GDA: variants seen among roughly 807,000 people sequenced by gnomAD.
GDA encodes guanine deaminase.
In GDA, 18 loss-of-function variants were observed where a neutral mutation model predicts 59.6. That is an observed-to-expected ratio of 0.30 (90% CI 0.21 to 0.45). GDA has a LOEUF of 0.45. GDA is among the 20% of genes least tolerant of loss of function. GDA has a pLI of 1.00. For missense variants in GDA, 427 were observed against 552.3 expected (o/e 0.77, Z 2.27); for synonymous variants, 201 against 201.1 (o/e 1.00, Z 0.00).
upstream of GDA, among the ~76,000 whole-genome samples, chr9:72,146,639 C>T (rs921397906): frequency 7.9e-5 from 12 of 152,086 alleles, no homozygotes; most frequent in East Asian, 1.9e-4. Flanking sequence ...TACAGGTGTG[C>T]GCCACCACAC....
chr9:72,244,645 A>G (rs1366673030), intron 11 of GDA, among the ~76,000 whole-genome samples: 4 of 152,220 alleles, frequency 2.6e-5, no homozygotes, highest in African/African-American at 9.6e-5. Context: ...GCATTGACAA[A>G]TATGCAAAAG....
chr9:72,170,733 G>C (rs1017467193), intron 1 of GDA, among the ~76,000 whole-genome samples: 1 of 152,146 alleles, frequency 6.6e-6, no homozygotes, highest in African/African-American at 2.4e-5. Context: ...CTGTGTACCG[G>C]CCCATGATAG....
chr9:72,168,024 G>A (rs1174026589), intron 1 of GDA, among the ~76,000 whole-genome samples: 2 of 152,138 alleles, frequency 1.3e-5, no homozygotes, highest in East Asian at 1.9e-4. Flanking sequence ...TAGTGCTGGG[G>A]TACATCACCT....
intron 4 of GDA, 49 bp downstream of exon 4, chr9:72,210,823 G>A: frequency 8.8e-7 from 1 of 1,133,846 alleles, no homozygotes; most frequent in Non-Finnish European, 1.3e-6. Flanking sequence ...AAGACAGCCA[G>A]ACCATCGTGG....
intron 3 of GDA, among the ~76,000 whole-genome samples, chr9:72,203,826 T>C (rs1049652624): frequency 6.6e-6 from 1 of 151,778 alleles, no homozygotes; most frequent in African/African-American, 2.4e-5. Flanking sequence ...TTTTTTCTTC[T>C]TTTTTTTGGA....
chr9:72,202,783 T>C (rs372372452), intron 3 of GDA, 41 bp downstream of exon 3: 1 of 1,437,054 alleles, frequency 7.0e-7, no homozygotes, highest in South Asian at 1.2e-5. Context: ...TGTTTGGTCA[T>C]CTATAGAAAT....
chr9:72,150,612 G>T (rs1232963706), intron 1 of GDA, among the ~76,000 whole-genome samples: 3 of 152,044 alleles, frequency 2.0e-5, no homozygotes, highest in Non-Finnish European at 2.9e-5. Flanking sequence ...GGGATTTTTT[G>T]AGCTGTTTTC....
At chr9:72,244,555 G>A (rs758466274) in intron 11 of GDA, among the ~76,000 whole-genome samples, 1 of 152,168 alleles carries the variant, frequency 6.6e-6, no homozygotes, top group African/African-American at 2.4e-5. Context: ...TTTGAGTTAT[G>A]AGAATCTGTT....
At chr9:72,218,478 A>C (rs1484682046) in intron 5 of GDA, among the ~76,000 whole-genome samples, 1 of 152,226 alleles carries the variant, frequency 6.6e-6, no homozygotes, top group African/African-American at 2.4e-5. Flanking sequence ...TTGTGGTGAT[A>C]GTAAACCTTA....
chr9:72,175,496 C>T (rs1830443743), intron 1 of GDA, among the ~76,000 whole-genome samples: 1 of 152,166 alleles, frequency 6.6e-6, no homozygotes, highest in Non-Finnish European at 1.5e-5. Flanking sequence ...TTGAGAAACA[C>T]AAATGAGATG....
chr9:72,202,828 ATAAGCAGT>A, intron 3 of GDA, 86 bp downstream of exon 3: 1 of 1,088,782 alleles, frequency 9.2e-7, no homozygotes, highest in South Asian at 1.5e-5. Flanking sequence ...ATTATAAAGC[ATAAGCAGT>A]TAAGCCTAAG....
chr9:72,126,556 C>T (rs190414204), intron 1 of GDA, among the ~76,000 whole-genome samples: 9 of 138,410 alleles, frequency 6.5e-5, no homozygotes, highest in African/African-American at 2.4e-4. Flanking sequence ...AGACTGAGAA[C>T]CTGGTTAGTC....
chr9:72,143,713 A>G (rs369158051), intron 1 of GDA, among the ~76,000 whole-genome samples: 6 of 152,332 alleles, frequency 3.9e-5, no homozygotes, highest in African/African-American at 1.4e-4. Context: ...TTCTAAAAAG[A>G]AGAGGTAGCT....
At chr9:72,188,539 C>T (rs2131173501) in intron 1 of GDA, among the ~76,000 whole-genome samples, 1 of 152,348 alleles carries the variant, frequency 6.6e-6, no homozygotes, top group African/African-American at 2.4e-5. Flanking sequence ...AATGCAAGAT[C>T]TATGGGGGCA....
At chr9:72,156,770 C>G (rs1827939220) in intron 1 of GDA, among the ~76,000 whole-genome samples, 1 of 152,152 alleles carries the variant, frequency 6.6e-6, no homozygotes, top group South Asian at 2.1e-4. Flanking sequence ...TTCCAGCTTC[C>G]TGGTAGCTGA....
chr9:72,234,992 A>C (rs2131706335), intron 10 of GDA, among the ~76,000 whole-genome samples: 1 of 152,314 alleles, frequency 6.6e-6, no homozygotes, highest in Non-Finnish European at 1.5e-5. Flanking sequence ...TTCCTTAGGA[A>C]CCCTTTGAAA....
intron 1 of GDA, among the ~76,000 whole-genome samples, chr9:72,150,902 T>C (rs1478306012): frequency 6.6e-6 from 1 of 152,184 alleles, no homozygotes; most frequent in Non-Finnish European, 1.5e-5. Context: ...CTTGGGGACT[T>C]GGTCCTCAAG....
intron 1 of GDA, among the ~76,000 whole-genome samples, chr9:72,171,959 C>T (rs977361982): frequency 2.0e-5 from 3 of 152,072 alleles, no homozygotes; most frequent in Non-Finnish European, 2.9e-5. Flanking sequence ...AGGTGCAATG[C>T]GATTAAGTAA....
chr9:72,239,974 G>T lies in GDA; in HGVS notation c.989-1178G>T, dbSNP rs1252002759. On this transcript the variant is annotated intron_variant, in intron 10 of 13. Coordinates refer to ENST00000358399, the MANE Select transcript of GDA (RefSeq NM_004293.5). ...CAATTACATATGTCTACCTAGAAATGACAGAAGGAACACTTGAAATATGAA... is the reference window on the plus strand; with the variant it reads ...CAATTACATATGTCTACCTAGAAATTACAGAAGGAACACTTGAAATATGAA... Among the ~76,000 whole-genome samples, 3 of 152,244 alleles carry T rather than the reference G, an allele frequency of 2.0e-5. No homozygotes were observed. In the East Asian group the frequency reaches 5.8e-4, roughly 29 times the overall value.
Sources: allele counts gnomAD v4.1 joint callset (sites outside exome capture counted in the v4.1 genomes callset), GRCh38; gene constraint gnomAD v4.1.1; transcripts MANE v1.5; gene names NCBI Gene and HGNC (gene_info 2026-07-23, HGNC 2026-07-21).